RNASEL: variants seen among roughly 807,000 people sequenced by gnomAD.
RNASEL encodes 2-5A-dependent ribonuclease.
In RNASEL, 36 loss-of-function variants were observed where a neutral mutation model predicts 50.9. The observed-to-expected ratio is 0.71, with a 90% CI of 0.54 to 0.93. The LOEUF (loss-of-function observed/expected upper bound fraction) is 0.93, where lower values mean the gene tolerates loss of function less well. Among genes scored for constraint, RNASEL ranks in the 40% least tolerant of loss-of-function variants. The pLI, the probability that RNASEL is intolerant of heterozygous loss-of-function variation, is 0.00. For synonymous variants in RNASEL, 335 were observed against 335.6 expected (o/e 1.00, Z 0.02); for missense variants, 860 against 894.5 (o/e 0.96, Z 0.49).
chr1:182,581,574 C>T (rs566618540), intron 4 of RNASEL, among the ~76,000 whole-genome samples: 10 of 149,692 alleles, frequency 6.7e-5, no homozygotes, highest in African/African-American at 9.8e-5. Context: ...CTCCACCTCC[C>T]GGGTTCAAGC....
intron 5 of RNASEL, chr1:182,579,633 C>T: frequency 8.7e-7 from 1 of 1,146,018 alleles, no homozygotes; most frequent in Non-Finnish European, 1.1e-6. Context: ...GGCAAGTCAA[C>T]AGAAAAACAA....
chr1:182,580,955 T>C (rs1162462098), intron 5 of RNASEL, among the ~76,000 whole-genome samples: 9 of 152,116 alleles, frequency 5.9e-5, no homozygotes, highest in Admixed American at 5.9e-4. Context: ...GCTCATGGGC[T>C]GGGATAAGGC....
chr1:182,586,793 T>A lies in RNASEL; in HGVS notation c.14A>T (p.Asp5Val), dbSNP rs777957260. The A allele has an allele frequency of 6.2e-7, 1 of 1,614,218 alleles. No homozygotes were observed. The highest frequency in any genetic ancestry group is 8.5e-7 in the Non-Finnish European group (1 of 1,180,048). MESR[D>V]HNNPQEGPTS... ...GGGTCCCTCCTGGGGGTTGTTATGA[T>A]CCCTGCTCTCCATGACGGTAAATGC... The change falls in exon 2 of 7, where the codon GAT (aspartate) becomes GTT (valine). Residue 5 changes from aspartate to valine, a missense_variant. Physicochemically the swap from Asp to Val is radical, Grantham distance 152 (BLOSUM62 -3). Transcript: ENST00000367559.
At chr1:182,579,147 T>C in intron 5 of RNASEL, 2 of 671,372 alleles carry the variant, frequency 3.0e-6, no homozygotes, top group Non-Finnish European at 3.7e-6. Flanking sequence ...CAGGTAATGG[T>C]TACACTAAAA....
intron 5 of RNASEL, chr1:182,579,788 T>G (rs1447552571): frequency 9.1e-7 from 1 of 1,096,448 alleles, no homozygotes; most frequent in Non-Finnish European, 1.2e-6. Context: ...TCTGCCAATC[T>G]CTGACTGTCC....
chr1:182,582,830 T>C (rs1558473317), intron 3 of RNASEL, among the ~76,000 whole-genome samples: 1 of 152,128 alleles, frequency 6.6e-6, no homozygotes, highest in East Asian at 1.9e-4. Context: ...GTGGAGAGTC[T>C]CACCCACTGG....
chr1:182,582,015 C>G (rs777734915), intron 4 of RNASEL, 38 bp downstream of exon 4: 2 of 1,582,118 alleles, frequency 1.3e-6, no homozygotes, highest in Non-Finnish European at 1.7e-6. Flanking sequence ...CCCTTTCCAT[C>G]CTGGAGGCCT....
At chr1:182,576,692 C>T (rs1661389042) in intron 5 of RNASEL, 1 of 226,930 alleles carries the variant, frequency 4.4e-6, no homozygotes, top group South Asian at 7.0e-5. Context: ...CACAGTGAAA[C>T]CTCGTTTCTA....
intron 5 of RNASEL, among the ~76,000 whole-genome samples, chr1:182,580,720 G>C (rs764436313): frequency 3.3e-5 from 5 of 152,248 alleles, no homozygotes; most frequent in Non-Finnish European, 5.9e-5. Context: ...TTTTCTTAAA[G>C]AGAGCAATTT....
chr1:182,582,369 AT>A, intron 3 of RNASEL, 111 bp from the exon 4 acceptor site: 1 of 1,305,610 alleles, frequency 7.7e-7, no homozygotes, highest in Admixed American at 1.7e-5. Context: ...ATCTCAAGGA[AT>A]TTGTAGGCTT....
At position 182,584,068 on chromosome 1, in the gene RNASEL, T is replaced by C. The variant is rs755928091; in HGVS notation, c.1566+13A>G. On this transcript the variant is annotated intron_variant, in intron 3 of 6. Transcript: ENST00000367559. ...GCAGAAAGAAGAAAGGTAAACTGGA[T>C]TGTAGAATTTACCTCTAGATCTCTC... The C allele has an allele frequency of 6.3e-7, 1 of 1,589,848 alleles. No individual in the cohort carries two copies. Among genetic ancestry groups the C allele is most frequent in the Admixed American group, 1.7e-5 (1 of 59,994 alleles).
chr1:182,585,294 T>C (rs1661569894), intron 2 of RNASEL, 33 bp downstream of exon 2: 2 of 1,607,490 alleles, frequency 1.2e-6, no homozygotes, highest in Non-Finnish European at 1.7e-6. Context: ...GATCCCACAA[T>C]TTCTAAGAGA....
chr1:182,587,393 T>C (rs1661621087), intron 1 of RNASEL, among the ~76,000 whole-genome samples: 1 of 152,052 alleles, frequency 6.6e-6, no homozygotes. Flanking sequence ...TTAAAGGGTT[T>C]TTTAAAATTA....
intron 2 of RNASEL, among the ~76,000 whole-genome samples, chr1:182,584,943 A>C (rs1424612436): frequency 1.3e-5 from 2 of 152,162 alleles, no homozygotes; most frequent in Non-Finnish European, 2.9e-5. Context: ...TCTTGTCCTG[A>C]CATCCTCAAC....
rs774975841 is a variant in RNASEL at position 182,586,081 on chromosome 1, G to C, written c.726C>G (p.Pro242=). 3 of 1,613,964 alleles carry C rather than the reference G, an allele frequency of 1.9e-6. No homozygotes were observed. Among genetic ancestry groups the C allele is most frequent in the Non-Finnish European group, 2.5e-6 (3 of 1,180,044 alleles). ...VNVRGERGKT[P]LILAVEKKHL... ...GCTTCTTCTCCACTGCCAGGATCAG[G>C]GGAGTCTTCCCTCTTTCTCCCCTCA... is the stretch of plus-strand genomic sequence containing the variant. The change falls in exon 2 of 7, where the codon CCC becomes CCG. Residue 242 remains proline (P), a synonymous_variant. Coordinates refer to ENST00000367559, the MANE Select transcript of RNASEL (RefSeq NM_021133.4).
chr1:182,585,906 A>C lies in RNASEL; in HGVS notation c.901T>G (p.Cys301Gly), dbSNP rs368264864. 8.7e-6 allele frequency: 14 copies of C among 1,613,078 alleles called. No homozygotes were observed. The African/African-American group carries it at 1.7e-4, about 20-fold the overall frequency. ...LLCKRGASTDCGDLVMTARRN... is the reference protein window; with the variant it reads ...LLCKRGASTDGGDLVMTARRN... ...CTCGCTGTCATAACAAGATCCCCAC[A>C]ATCTGTACTGGCTCCACGTTTGCAC... Residue 301 changes from cysteine (C) to glycine (G), a missense_variant, in exon 2 of 7, where the codon TGT (cysteine) becomes GGT (glycine). Physicochemically the swap from Cys to Gly is radical, Grantham distance 159. Coordinates refer to ENST00000367559, the MANE Select transcript of RNASEL (RefSeq NM_021133.4).
chr1:182,576,145 C>T, intron 6 of RNASEL, 111 bp downstream of exon 6: 3 of 1,134,696 alleles, frequency 2.6e-6, no homozygotes, highest in South Asian at 2.9e-5. Context: ...AATTACTTTT[C>T]TTTCATCAAA....
rs2102372504 is a variant in RNASEL at position 182,586,667 on chromosome 1, C to T, written c.140G>A (p.Gly47Asp). 1 of 1,614,038 alleles carries T rather than the reference C, an allele frequency of 6.2e-7. No individual in the cohort carries two copies. Residue 47 changes from glycine to aspartate, a missense_variant, in exon 2 of 7, where the codon GGT (glycine) becomes GAT (aspartate). Coordinates refer to ENST00000367559, the MANE Select transcript of RNASEL (RefSeq NM_021133.4). ...TTCCTGGAAATTAACATTGGCTCCA[C>T]CTTCCAGCAATTGCTGGACCAGGTC... is the stretch of plus-strand genomic sequence containing the variant. ...DVDLVQQLLEGGANVNFQEEE... is the reference protein window; with the variant it reads ...DVDLVQQLLEDGANVNFQEEE...
At chr1:182,583,030 A>G (rs1245886473) in intron 3 of RNASEL, among the ~76,000 whole-genome samples, 2 of 152,212 alleles carry the variant, frequency 1.3e-5, no homozygotes. Flanking sequence ...CACTCCTCCC[A>G]GGAGTTTTCA....
Sources: allele counts gnomAD v4.1 joint callset (sites outside exome capture counted in the v4.1 genomes callset), GRCh38; gene constraint gnomAD v4.1.1; transcripts MANE v1.5; gene names NCBI Gene and HGNC (gene_info 2026-07-23, HGNC 2026-07-21).